Variants in CNIH3 observed in about 807,000 individuals in gnomAD.
CNIH3 encodes protein cornichon homolog 3.
Under a neutral mutation model 24.1 loss-of-function variants are expected in CNIH3, and 14 were observed. The ratio of observed to expected loss-of-function variants is 0.58; its 90% CI spans 0.38 to 0.91. The LOEUF (loss-of-function observed/expected upper bound fraction) is 0.91. Ranked by LOEUF, CNIH3 falls within the 40% of genes least tolerant of loss-of-function variation. The pLI is 0.00. For synonymous variants in CNIH3, 68 were observed against 73.8 expected, an observed-to-expected ratio of 0.92 and a Z score of 0.40; for missense variants, 178 against 196.8, an observed-to-expected ratio of 0.90 and a Z score of 0.57.
At chr1:224,598,570 A>T (rs1010448261) in intron 3 of CNIH3, among the ~76,000 whole-genome samples, 4 of 152,228 alleles carry the variant, frequency 2.6e-5, no homozygotes, top group Admixed American at 2.6e-4. Flanking sequence ...TCACGAAAGG[A>T]AGAGTCAACT....
Position 224,452,674 on chromosome 1 carries a change from C to T in CNIH3, n.203+17812C>T, listed in dbSNP as rs1386803762. On this transcript the variant is annotated intron_variant and non_coding_transcript_variant, in intron 1 of 5. Transcript: ENST00000471578. ...ATGGGCACCTGTAGTCCCAGCTACTCGGGAGGCTGAGGCAGGAGAATGGCA... is the reference window on the plus strand; with the variant it reads ...ATGGGCACCTGTAGTCCCAGCTACTTGGGAGGCTGAGGCAGGAGAATGGCA... Among the ~76,000 whole-genome samples the T allele has an allele frequency of 1.2e-4, 17 of 145,700 alleles. No individual in the cohort carries two copies. In the East Asian group the frequency reaches 2.4e-3, roughly 20 times the overall value.
intron 2 of CNIH3, among the ~76,000 whole-genome samples, chr1:224,545,458 AG>A (rs1168154088): frequency 2.0e-5 from 3 of 152,214 alleles, no homozygotes; most frequent in Admixed American, 6.5e-5. Flanking sequence ...AGTATCAGTT[AG>A]GCTACCCAAA....
upstream of CNIH3, among the ~76,000 whole-genome samples, chr1:224,511,362 G>C (rs183747023): frequency 3.3e-5 from 5 of 152,330 alleles, no homozygotes; most frequent in East Asian, 9.6e-4. Flanking sequence ...ATTTGTGTTT[G>C]TGAAGTGCTT....
rs182247473 is a variant in CNIH3, at chr1:224,722,225, G to A, written c.199-8237G>A. On this transcript the variant is annotated intron_variant, in intron 3 of 5. Coordinates refer to ENST00000272133, the MANE Select transcript of CNIH3 (RefSeq NM_152495.2). ...GGGCATATTCCAGGTGTTATGGCCC[G>A]GTGACCCTTGTACGCTTTTCATACC... 3.9e-5 allele frequency among the ~76,000 whole-genome samples: 6 copies of A among 152,228 alleles called. No homozygotes were observed. The South Asian group carries it at 6.2e-4, about 16-fold the overall frequency.
At chr1:224,695,945 C>A (rs1479116795) in intron 3 of CNIH3, among the ~76,000 whole-genome samples, 1 of 152,180 alleles carries the variant, frequency 6.6e-6, no homozygotes, top group African/African-American at 2.4e-5. Flanking sequence ...TATCCTTCTC[C>A]TCTCATTAAT....
chr1:224,525,785 C>T (rs1264004643), intron 2 of CNIH3, among the ~76,000 whole-genome samples: 1 of 151,908 alleles, frequency 6.6e-6, no homozygotes, highest in African/African-American at 2.4e-5. Context: ...ATGGAAGGAG[C>T]CAAAAGCTGA....
intron 4 of CNIH3, among the ~76,000 whole-genome samples, chr1:224,570,759 C>T (rs961912807): frequency 4.6e-5 from 7 of 152,174 alleles, no homozygotes; most frequent in African/African-American, 1.7e-4. Flanking sequence ...ACTTTGTATG[C>T]AATCTTTCTT....
chr1:224,593,247 C>T (rs1302384269), downstream of CNIH3, among the ~76,000 whole-genome samples: 1 of 151,806 alleles, frequency 6.6e-6, no homozygotes, highest in Non-Finnish European at 1.5e-5. Flanking sequence ...CCTCCATCTC[C>T]CAGGCTCAAG....
chr1:224,526,070 T>C (rs1338791844), intron 2 of CNIH3, among the ~76,000 whole-genome samples: 1 of 152,234 alleles, frequency 6.6e-6, no homozygotes. Flanking sequence ...GTGCTCTGGA[T>C]CAGAGACCAG....
chr1:224,540,992 G>A (rs1468378661), downstream of CNIH3, among the ~76,000 whole-genome samples: 3 of 152,090 alleles, frequency 2.0e-5, no homozygotes, highest in Non-Finnish European at 4.4e-5. Flanking sequence ...AAATGCAGGT[G>A]GGTACCCAGA....
At chr1:224,446,881 C>T (rs1675187259) in intron 1 of CNIH3, among the ~76,000 whole-genome samples, 1 of 151,990 alleles carries the variant, frequency 6.6e-6, no homozygotes. Flanking sequence ...CCAGCTGAGC[C>T]CGTAACAAAA....
intron 4 of CNIH3, among the ~76,000 whole-genome samples, chr1:224,731,557 A>C (rs1689326294): frequency 6.6e-6 from 1 of 152,240 alleles, no homozygotes; most frequent in African/African-American, 2.4e-5. Context: ...TCTGGCTTGA[A>C]TTTAGCCACA....
intron 1 of CNIH3, among the ~76,000 whole-genome samples, chr1:224,476,815 A>G (rs1572326542): frequency 6.6e-6 from 1 of 152,258 alleles, no homozygotes; most frequent in South Asian, 2.1e-4. Flanking sequence ...TAAAATTTAT[A>G]TGAAACCACA....
At chr1:224,620,259 T>C (rs1683216019) in intron 1 of CNIH3, among the ~76,000 whole-genome samples, 1 of 152,262 alleles carries the variant, frequency 6.6e-6, no homozygotes, top group South Asian at 2.1e-4. Context: ...TTAGTCCTCA[T>C]AACGGACATT....
intron 4 of CNIH3, among the ~76,000 whole-genome samples, chr1:224,568,804 C>G (rs1450913866): frequency 2.6e-5 from 4 of 152,154 alleles, no homozygotes; most frequent in Non-Finnish European, 5.9e-5. Context: ...TCAGCATTAC[C>G]TTTGGATGCC....
chr1:224,574,946 G>T (rs1036216133), intron 4 of CNIH3: 7 of 910,454 alleles, frequency 7.7e-6, no homozygotes, highest in Non-Finnish European at 1.3e-5. Flanking sequence ...AGGTTGAGAG[G>T]ATCTTAAACA....
chr1:224,517,302 G>A (rs1023652160), intron 1 of CNIH3, among the ~76,000 whole-genome samples: 1 of 151,938 alleles, frequency 6.6e-6, no homozygotes, highest in Non-Finnish European at 1.5e-5. Context: ...CTATTTAACG[G>A]AGCCATTTCA....
At chr1:224,701,507 G>A (rs562412743) in intron 3 of CNIH3, among the ~76,000 whole-genome samples, 1 of 152,240 alleles carries the variant, frequency 6.6e-6, no homozygotes, top group East Asian at 1.9e-4. Flanking sequence ...CCACCCTCAT[G>A]TTGTCATCTA....
intron 4 of CNIH3, 111 bp from the exon 5 acceptor site, chr1:224,734,452 G>A: frequency 1.9e-6 from 2 of 1,063,486 alleles, no homozygotes. Flanking sequence ...CAGAAGGCAG[G>A]CAATTGCTTG....
Sources: allele counts gnomAD v4.1 joint callset (sites outside exome capture counted in the v4.1 genomes callset), GRCh38; gene constraint gnomAD v4.1.1; transcripts MANE v1.5; gene names NCBI Gene and HGNC (gene_info 2026-07-23, HGNC 2026-07-21).